Variants in UTRN observed in about 807,000 individuals in gnomAD.
UTRN encodes utrophin.
UTRN carries 283 observed loss-of-function variants against 463.9 expected under a neutral mutation model. The ratio of observed to expected loss-of-function variants is 0.61; its 90% CI spans 0.55 to 0.67. The LOEUF (loss-of-function observed/expected upper bound fraction) is 0.67, where lower values mean the gene tolerates loss of function less well. UTRN is among the 30% of genes least tolerant of loss of function. The pLI, the probability that UTRN is intolerant of heterozygous loss-of-function variation, is 0.00. For synonymous variants in UTRN, 1,442 were observed against 1,431.5 expected, an observed-to-expected ratio of 1.01 and a Z score of -0.17; for missense variants, 3,922 against 4,084.3, an observed-to-expected ratio of 0.96 and a Z score of 1.08.
At chr6:144,407,407 T>TG (rs1783515654) in intron 3 of UTRN, among the ~76,000 whole-genome samples, 1 of 152,206 alleles carries the variant, frequency 6.6e-6, no homozygotes, top group Non-Finnish European at 1.5e-5. Flanking sequence ...TGCTAAGTCC[T>TG]GGATATGAAT....
chr6:144,730,405 G>T lies in UTRN; in HGVS notation c.7858G>T (p.Val2620Phe), dbSNP rs1562829572. ...KEKEYSVLNA[V>F]DQARVFLADQ... ...GAAAGAATATTCTGTCCTGAATGCT[G>T]TCGACCAGGCCCGAGTTTTCTTGGC... Residue 2620 changes from valine to phenylalanine, a missense_variant, in exon 54 of 75, where the codon GTC becomes TTC. Val to Phe is a conservative substitution (Grantham distance 50). Around this residue, in one of 3 missense-constraint regions of UTRN, gnomAD observed 1,309 missense variants for 1,452.6 expected, o/e 0.90. Coordinates refer to ENST00000367545, the MANE Select transcript of UTRN (RefSeq NM_007124.3). The T allele has an allele frequency of 6.2e-7, 1 of 1,612,396 alleles. No homozygotes were observed. Among genetic ancestry groups the T allele is most frequent in the Non-Finnish European group, 8.5e-7 (1 of 1,179,126 alleles).
At chr6:144,348,768 C>CT (rs1389321157) in intron 2 of UTRN, among the ~76,000 whole-genome samples, 5 of 152,058 alleles carry the variant, frequency 3.3e-5, no homozygotes, top group African/African-American at 1.2e-4. Flanking sequence ...AACCCTGTCT[C>CT]TATTAAAAAT....
At chr6:144,530,699 C>A (rs1165781367) in intron 41 of UTRN, among the ~76,000 whole-genome samples, 1 of 152,050 alleles carries the variant, frequency 6.6e-6, no homozygotes, top group African/African-American at 2.4e-5. Context: ...GAAAAGGCTG[C>A]ATCTTTTTAG....
At chr6:144,521,955 AT>A (rs202042745) in intron 39 of UTRN, 24 bp from the exon 40 acceptor site, 9,296 of 926,986 alleles carry the variant, frequency 0.01, 46 homozygotes, top group Non-Finnish European at 0.011. Flanking sequence ...ATATATATAT[AT>A]TTTTTTTTTT....
chr6:144,384,134 A>G (rs761008533), intron 2 of UTRN, among the ~76,000 whole-genome samples: 1 of 152,208 alleles, frequency 6.6e-6, no homozygotes. Flanking sequence ...TTATATAACC[A>G]TCACTACCAT....
At position 144,479,959 on chromosome 6, in the gene UTRN, G is replaced by A. The variant is rs746625646; in HGVS notation, c.3484G>A (p.Glu1162Lys). 6.2e-7 allele frequency: 1 copy of A among 1,614,218 alleles called. No homozygotes were observed. The highest frequency in any genetic ancestry group is 8.5e-7 in the Non-Finnish European group (1 of 1,180,032). ...TGAGTACAAGTCACCAGAAGAGCTT[G>A]AGAGTGCTGTGGAAGAGATGAAGGT... is the stretch of plus-strand genomic sequence containing the variant. ...DFEYKSPEEL[E>K]SAVEEMKRAK... Residue 1162 changes from glutamate to lysine, a missense_variant, in exon 26 of 75, where the codon GAG (glutamate) becomes AAG (lysine). Physicochemically the swap from Glu to Lys is moderately conservative, Grantham distance 56. This residue lies in a region of UTRN where 2,349 missense variants were observed against 2,303.8 expected (regional missense o/e 1.02). Coordinates refer to ENST00000367545, the MANE Select transcript of UTRN (RefSeq NM_007124.3).
At chr6:144,642,553 C>T (rs182139050) in intron 51 of UTRN, among the ~76,000 whole-genome samples, 22 of 152,224 alleles carry the variant, frequency 1.4e-4, no homozygotes, top group East Asian at 1.4e-3. Context: ...CAGGAAAGTT[C>T]GTCTAGAGAT....
At chr6:144,387,987 T>C (rs1781555914) in intron 2 of UTRN, among the ~76,000 whole-genome samples, 1 of 152,222 alleles carries the variant, frequency 6.6e-6, no homozygotes, top group Non-Finnish European at 1.5e-5. Context: ...CCTTTCCTAC[T>C]TGTCCTCATT....
intron 65 of UTRN, among the ~76,000 whole-genome samples, chr6:144,812,392 T>G (rs976915354): frequency 1.3e-5 from 2 of 152,198 alleles, no homozygotes; most frequent in African/African-American, 4.8e-5. Flanking sequence ...TCTAGATTCT[T>G]CTATACCTTA....
At chr6:144,831,409 G>T (rs1396822255) in intron 69 of UTRN, among the ~76,000 whole-genome samples, 1 of 152,100 alleles carries the variant, frequency 6.6e-6, no homozygotes, top group Non-Finnish European at 1.5e-5. Flanking sequence ...AGATGCTGCT[G>T]TGTTGGCTTT....
intron 19 of UTRN, among the ~76,000 whole-genome samples, chr6:144,458,128 T>C (rs1465151889): frequency 6.6e-6 from 1 of 152,210 alleles, no homozygotes; most frequent in Non-Finnish European, 1.5e-5. Flanking sequence ...TTGTTTTCCC[T>C]GATGTGTTTC....
chr6:144,769,099 T>C (rs1321786074), intron 58 of UTRN, among the ~76,000 whole-genome samples: 1 of 152,070 alleles, frequency 6.6e-6, no homozygotes, highest in East Asian at 1.9e-4. Context: ...CTGTTCATAT[T>C]TGAGATTAAT....
chr6:144,760,072 T>C (rs1792480380), intron 58 of UTRN, among the ~76,000 whole-genome samples: 1 of 152,172 alleles, frequency 6.6e-6, no homozygotes, highest in Non-Finnish European at 1.5e-5. Flanking sequence ...TTTGGGACTT[T>C]TAAAGTCCAT....
At chr6:144,498,320 G>A (rs878896534) in intron 33 of UTRN, among the ~76,000 whole-genome samples, 1 of 152,178 alleles carries the variant, frequency 6.6e-6, no homozygotes, top group East Asian at 1.9e-4. Flanking sequence ...TATTGCATAC[G>A]TGTGTAAGAT....
At chr6:144,713,490 T>C in intron 53 of UTRN, among the ~76,000 whole-genome samples, 1 of 149,976 alleles carries the variant, frequency 6.7e-6, no homozygotes, top group East Asian at 2.0e-4. Flanking sequence ...GGTGTATACC[T>C]GTAATCCCAG....
In UTRN at chr6:144,836,351, G is replaced by C. The variant is rs1347832963; in HGVS notation, c.9875G>C (p.Gly3292Ala). 8 of 1,614,076 alleles carry C rather than the reference G, an allele frequency of 5.0e-6. No individual in the cohort carries two copies. The highest frequency in any genetic ancestry group is 6.8e-6 in the Non-Finnish European group (8 of 1,179,976). ...CTGAAGGACCAGCACCTCCGAAGGG[G>C]GCTCCCTGTCGGTTCACCGCCAGAG... ...EQLKDQHLRR[G>A]LPVGSPPESI... The change falls in exon 71 of 75, where the codon GGG becomes GCG. Residue 3292 changes from glycine (G) to alanine (A), a missense_variant. By Grantham distance (60) the Gly-to-Ala change is moderately conservative (BLOSUM62 0). Transcript: ENST00000367545.
chr6:144,368,604 T>C (rs894622336), intron 2 of UTRN, among the ~76,000 whole-genome samples: 5 of 151,982 alleles, frequency 3.3e-5, no homozygotes, highest in African/African-American at 9.7e-5. Flanking sequence ...AAACCCCATC[T>C]CTACTTTAAA....
chr6:144,285,390 G>A lies in UTRN; in HGVS notation c.-524G>A, dbSNP rs1421123802. Among the ~76,000 whole-genome samples the A allele has an allele frequency of 1.3e-5, 2 of 148,882 alleles. No homozygotes were observed. The highest frequency in any genetic ancestry group is 4.9e-5 in the African/African-American group (2 of 40,772). On this transcript the variant is annotated 5_prime_UTR_variant, in exon 1 of 75. Coordinates refer to ENST00000367545, the MANE Select transcript of UTRN (RefSeq NM_007124.3). The stretch of plus-strand genomic sequence containing the variant: ...AGCAGCCGGCCGCGGGCTTTCTCCC[G>A]CCGAGGGGCGAGGAGGAGCCTCTGG...
intron 53 of UTRN, among the ~76,000 whole-genome samples, chr6:144,716,057 A>G (rs2128706220): frequency 6.6e-6 from 1 of 152,292 alleles, no homozygotes; most frequent in East Asian, 1.9e-4. Flanking sequence ...CATATTTGAA[A>G]TGTAAGCAAA....
Sources: allele counts gnomAD v4.1 joint callset (sites outside exome capture counted in the v4.1 genomes callset), GRCh38; gene constraint gnomAD v4.1.1; regional missense constraint gnomAD v4.1.1; transcripts MANE v1.5; gene names NCBI Gene and HGNC (gene_info 2026-07-23, HGNC 2026-07-21).